The following AGO3 variants were observed in gnomAD, a reference collection of about 807,000 sequenced individuals.
AGO3 encodes argonaute RISC catalytic component 3.
A neutral mutation model predicts 105.5 loss-of-function variants in AGO3; 16 were observed. The observed-to-expected ratio is 0.15, with a 90% CI of 0.10 to 0.23. The LOEUF is 0.23. AGO3 is among the 10% of genes least tolerant of loss of function. The pLI, the probability that AGO3 is intolerant of heterozygous loss-of-function variation, is 1.00. For missense variants in AGO3, 534 were observed against 1,088.0 expected, an observed-to-expected ratio of 0.49 and a Z score of 7.16; for synonymous variants, 340 against 367.3, an observed-to-expected ratio of 0.93 and a Z score of 0.85.
chr1:36,036,203 T>C lies in AGO3; in HGVS notation c.1778T>C (p.Ile593Thr), dbSNP rs1385143877. ...CCTTCTGTGTTCCAGCAACCAGTGA[T>C]CTTTTTGGGAGCCGATGTCACTCAT... Reference protein sequence around the residue: ...QRPSVFQQPVIFLGADVTHPP... With the variant: ...QRPSVFQQPVTFLGADVTHPP... The change falls in exon 14 of 19, where the codon ATC becomes ACC. Residue 593 changes from isoleucine to threonine, a missense_variant. Transcript: ENST00000373191. 4 of 1,614,158 alleles carry C rather than the reference T, an allele frequency of 2.5e-6. No individual in the cohort carries two copies. The South Asian group carries it at 4.4e-5, about 18-fold the overall frequency.
At chr1:35,961,539 A>G (rs1289279178) in intron 2 of AGO3, among the ~76,000 whole-genome samples, 1 of 152,136 alleles carries the variant, frequency 6.6e-6, no homozygotes, top group Admixed American at 6.6e-5. Context: ...ATAGCCAAAA[A>G]CTTATTCTGT....
chr1:36,035,440 C>T (rs975855920), intron 13 of AGO3, among the ~76,000 whole-genome samples: 2 of 152,044 alleles, frequency 1.3e-5, no homozygotes, highest in Non-Finnish European at 2.9e-5. Flanking sequence ...AAAAGGAAGT[C>T]CTAGCTTCCT....
intron 13 of AGO3, among the ~76,000 whole-genome samples, chr1:36,035,352 G>A (rs1014553726): frequency 1.3e-5 from 2 of 152,112 alleles, no homozygotes; most frequent in African/African-American, 4.8e-5. Context: ...AGTGAACTGT[G>A]ATTACGCCAC....
chr1:35,943,673 G>A (rs766722039), intron 1 of AGO3, among the ~76,000 whole-genome samples: 8 of 149,600 alleles, frequency 5.3e-5, no homozygotes, highest in African/African-American at 2.0e-4. Flanking sequence ...GCATGATCTC[G>A]GCTCACTGTA....
intron 1 of AGO3, among the ~76,000 whole-genome samples, chr1:35,937,674 T>C (rs1646175628): frequency 6.6e-6 from 1 of 152,094 alleles, no homozygotes; most frequent in Non-Finnish European, 1.5e-5. Context: ...TGGACCACAG[T>C]GCGAGATTCT....
At chr1:35,980,107 T>A (rs1205192492) in intron 5 of AGO3, among the ~76,000 whole-genome samples, 1 of 152,196 alleles carries the variant, frequency 6.6e-6, no homozygotes, top group Non-Finnish European at 1.5e-5. Context: ...ACTTATACCT[T>A]CATATGATAC....
At chr1:35,933,677 C>T (rs1364792044) in intron 1 of AGO3, among the ~76,000 whole-genome samples, 4 of 128,582 alleles carry the variant, frequency 3.1e-5, no homozygotes, top group Admixed American at 8.0e-5. Context: ...AAAAAATCAT[C>T]ATTTGACACG....
At chr1:36,023,861 A>G (rs1292192363) in intron 11 of AGO3, among the ~76,000 whole-genome samples, 1 of 152,108 alleles carries the variant, frequency 6.6e-6, no homozygotes, top group Non-Finnish European at 1.5e-5. Context: ...TTACTTTCCA[A>G]AATTTGCCTT....
intron 2 of AGO3, among the ~76,000 whole-genome samples, chr1:35,949,195 G>A (rs561629859): frequency 1.3e-5 from 2 of 152,120 alleles, no homozygotes; most frequent in African/African-American, 2.4e-5. Flanking sequence ...TGCCTGCCCC[G>A]GCCTCCCAAA....
At chr1:35,958,467 C>A (rs1466966143) in intron 2 of AGO3, among the ~76,000 whole-genome samples, 2 of 152,066 alleles carry the variant, frequency 1.3e-5, no homozygotes, top group Non-Finnish European at 2.9e-5. Flanking sequence ...TCAAGACCAG[C>A]CTGGGCAACA....
rs572811669 is a variant in AGO3, at chr1:35,972,245, G to C, written c.521+13G>C. The C allele has an allele frequency of 6.2e-7, 1 of 1,612,450 alleles. No individual in the cohort carries two copies. The highest frequency in any genetic ancestry group is 2.2e-5 in the East Asian group (1 of 44,868). ...TGCCCTCCATGAAGTGGGTGCTTCT[G>C]CTTTTTTTCTCTTTAGATTTTAAAC... On this transcript the variant is annotated intron_variant, in intron 4 of 18. Coordinates refer to ENST00000373191, the MANE Select transcript of AGO3 (RefSeq NM_024852.4).
intron 16 of AGO3, chr1:36,043,227 T>C (rs1642322995): frequency 2.0e-6 from 1 of 489,522 alleles, no homozygotes; most frequent in Non-Finnish European, 3.6e-6. Context: ...TAGTAGAGAC[T>C]GTATTAGGTT....
intron 5 of AGO3, among the ~76,000 whole-genome samples, chr1:35,982,297 C>G (rs1038249780): frequency 7.2e-5 from 11 of 152,092 alleles, no homozygotes; most frequent in Admixed American, 3.3e-4. Flanking sequence ...TAAATAACCC[C>G]TTGTTTAAAG....
At chr1:35,954,359 C>T (rs1053373535) in intron 2 of AGO3, among the ~76,000 whole-genome samples, 1 of 152,106 alleles carries the variant, frequency 6.6e-6, no homozygotes, top group African/African-American at 2.4e-5. Flanking sequence ...CAAATATTTA[C>T]ACACAAGGGA....
In AGO3 at chr1:36,020,068, G is replaced by A. The variant is rs1048845407; in HGVS notation, c.1406+6020G>A. The stretch of plus-strand genomic sequence containing the variant: ...ATTACAGGTGTGAGCCACCATGCCC[G>A]GCCAGTATATACATTTTATCTCTTC... On this transcript the variant is annotated intron_variant, in intron 11 of 18. Coordinates refer to ENST00000373191, the MANE Select transcript of AGO3 (RefSeq NM_024852.4). Among the ~76,000 whole-genome samples the A allele has an allele frequency of 2.0e-5, 3 of 152,076 alleles. 1 individual carries two copies. Among genetic ancestry groups the A allele is most frequent in the Middle Eastern group, 6.8e-3 (2 of 294 alleles).
chr1:35,937,400 A>AC (rs1482854521), intron 1 of AGO3, among the ~76,000 whole-genome samples: 2 of 151,730 alleles, frequency 1.3e-5, no homozygotes, highest in East Asian at 3.9e-4. Flanking sequence ...AAAAAAAAAA[A>AC]ATTGTTTCCC....
intron 11 of AGO3, among the ~76,000 whole-genome samples, chr1:36,025,407 CAAA>C (rs201609794): frequency 3.2e-5 from 2 of 62,350 alleles, no homozygotes; most frequent in African/African-American, 6.4e-5. Context: ...CTTGAAAGGC[CAAA>C]AAAAAAAAAA....
intron 1 of AGO3, among the ~76,000 whole-genome samples, chr1:35,942,237 A>AT (rs769812636): frequency 3.2e-4 from 49 of 152,204 alleles, no homozygotes; most frequent in Non-Finnish European, 5.4e-4. Context: ...TGTTAGCCCA[A>AT]TTTTTTATTC....
At chr1:36,043,165 A>C (rs191763639) in intron 16 of AGO3, 13 of 290,754 alleles carry the variant, frequency 4.5e-5, no homozygotes, top group African/African-American at 2.4e-4. Context: ...ATTTAAAAAA[A>C]ATTTTTTTTA....
Sources: gnomAD v4.1 joint callset for allele counts (sites outside exome capture counted in the v4.1 genomes callset) on GRCh38, gnomAD v4.1.1 for gene constraint, MANE v1.5 for transcripts, NCBI Gene and HGNC (gene_info 2026-07-23, HGNC 2026-07-21) for gene names.